The following PDSS1 variants were observed in gnomAD, a reference collection of about 807,000 sequenced individuals.
PDSS1 encodes the protein decaprenyl diphosphate synthase subunit 1.
A neutral mutation model predicts 57.5 loss-of-function variants in PDSS1; 43 were observed. The ratio of observed to expected loss-of-function variants is 0.75; its 90% confidence interval spans 0.59 to 0.96. The LOEUF is 0.96. Ranked by LOEUF, PDSS1 falls within the 50% of genes least tolerant of loss-of-function variation. The probability of loss-of-function intolerance (pLI) is 0.00; values close to 1 mark genes in which losing one functional copy is unlikely to be tolerated. For missense variants in PDSS1, 438 were observed against 527.8 expected, an observed-to-expected ratio of 0.83 and a Z score of 1.67; for synonymous variants, 175 against 191.3, an observed-to-expected ratio of 0.91 and a Z score of 0.70.
intron 10 of PDSS1, among the ~76,000 whole-genome samples, chr10:26,737,390 G>T (rs181826556): frequency 2.0e-5 from 3 of 152,168 alleles, no homozygotes; most frequent in African/African-American, 7.2e-5. Flanking sequence ...ATATAGTGGG[G>T]GAAAGGGGAA....
At chr10:26,740,511 A>G (rs1836553977) in intron 10 of PDSS1, 2 of 413,928 alleles carry the variant, frequency 4.8e-6, no homozygotes, top group South Asian at 1.7e-5. Context: ...GTTCTGACAC[A>G]TATTTTGGTC....
intron 8 of PDSS1, among the ~76,000 whole-genome samples, chr10:26,729,952 G>A (rs1239368738): frequency 5.2e-5 from 6 of 116,306 alleles, no homozygotes; most frequent in South Asian, 6.0e-4. Context: ...TTGCTCTTTC[G>A]CCCAGGCCGG....
At chr10:26,701,295 G>C (rs1462349062) in intron 1 of PDSS1, among the ~76,000 whole-genome samples, 1 of 152,240 alleles carries the variant, frequency 6.6e-6, no homozygotes, top group Admixed American at 6.5e-5. Context: ...ATTTGCATAA[G>C]TAACAAGGAG....
Position 26,735,486 on chromosome 10 carries a change from C to T in PDSS1, c.933C>T (p.Asp311=). Residue 311 remains aspartate, a synonymous_variant, in exon 10 of 12, where the codon GAC becomes GAT. Coordinates refer to ENST00000376215, the MANE Select transcript of PDSS1 (RefSeq NM_014317.5). The part of the protein sequence containing the change: ...IAFQLIDDVL[D]FTSCSDQMGK... ...GCCAGCTAATAGATGATGTATTGGA[C>T]TTCACCTCGTGTTCTGACCAGATGG... The T allele has an allele frequency of 1.9e-6, 3 of 1,612,680 alleles. No individual in the cohort carries two copies. The highest frequency in any genetic ancestry group is 2.5e-6 in the Non-Finnish European group (3 of 1,178,672).
Position 26,744,177 on chromosome 10 carries a change from C to G in PDSS1, c.1107+1600C>G, listed in dbSNP as rs1320230042. Among the ~76,000 whole-genome samples the G allele has an allele frequency of 2.6e-5, 4 of 152,158 alleles. No individual in the cohort carries two copies. The South Asian group carries it at 8.3e-4, about 32-fold the overall frequency. ...GGAAGAAAATAAACAAAAAAGTGGT[C>G]ACTTATGCTAGAAAATGGTGTCAAA... On this transcript the variant is annotated intron_variant, in intron 11 of 11. Coordinates refer to ENST00000376215, the MANE Select transcript of PDSS1 (RefSeq NM_014317.5).
intron 4 of PDSS1, among the ~76,000 whole-genome samples, chr10:26,705,843 A>G (rs1564417287): frequency 1.3e-5 from 2 of 152,250 alleles, no homozygotes; most frequent in Non-Finnish European, 2.9e-5. Flanking sequence ...AGAAGAATAC[A>G]TATGACCCAG....
chr10:26,721,819 C>G (rs1196057254), intron 6 of PDSS1, among the ~76,000 whole-genome samples: 9 of 152,326 alleles, frequency 5.9e-5, no homozygotes, highest in Admixed American at 5.9e-4. Context: ...CTGGGGACCT[C>G]TTTCTGAGGG....
intron 5 of PDSS1, chr10:26,717,759 T>G (rs974090351): frequency 1.6e-4 from 24 of 152,098 alleles, no homozygotes; most frequent in African/African-American, 5.8e-4. Flanking sequence ...CCTTACCTGT[T>G]GTTTTAAGGT....
chr10:26,737,017 A>G (rs904567649), intron 10 of PDSS1, among the ~76,000 whole-genome samples: 7 of 152,216 alleles, frequency 4.6e-5, no homozygotes, highest in Admixed American at 6.5e-5. Flanking sequence ...CTTCTCAGAT[A>G]CTTGTTAGTA....
intron 5 of PDSS1, among the ~76,000 whole-genome samples, chr10:26,713,463 C>T (rs115461248): frequency 2.3e-3 from 347 of 152,140 alleles, no homozygotes; most frequent in African/African-American, 7.9e-3. Context: ...ATTAAATGTT[C>T]CCTACTAGAT....
chr10:26,706,532 C>T (rs748194336), intron 4 of PDSS1, among the ~76,000 whole-genome samples: 3 of 152,224 alleles, frequency 2.0e-5, no homozygotes, highest in African/African-American at 4.8e-5. Context: ...CTCCCCCAGA[C>T]ATGGCCTCTC....
chr10:26,709,824 C>G, intron 5 of PDSS1, 56 bp downstream of exon 5: 4 of 1,560,562 alleles, frequency 2.6e-6, no homozygotes, highest in Non-Finnish European at 3.5e-6. Context: ...TCTTTCTTCC[C>G]GGGGTTACTT....
chr10:26,697,956 G>A, intron 1 of PDSS1, 116 bp downstream of exon 1: 1 of 989,862 alleles, frequency 1.0e-6, no homozygotes, highest in Non-Finnish European at 1.3e-6. Context: ...GGCGCGCGGG[G>A]TAGCTCCGGG....
chr10:26,735,181 G>C, intron 8 of PDSS1, 59 bp from the exon 9 acceptor site: 4 of 1,172,962 alleles, frequency 3.4e-6, no homozygotes, highest in Non-Finnish European at 5.1e-6. Flanking sequence ...TCAGCCAGGG[G>C]TCAGCTGCTT....
intron 8 of PDSS1, among the ~76,000 whole-genome samples, chr10:26,728,209 T>C (rs1836030420): frequency 6.6e-6 from 1 of 151,818 alleles, no homozygotes; most frequent in African/African-American, 2.4e-5. Context: ...TATAAAAAAT[T>C]AGCTGGGCAT....
At chr10:26,706,491 C>T (rs1835221273) in intron 4 of PDSS1, among the ~76,000 whole-genome samples, 1 of 152,172 alleles carries the variant, frequency 6.6e-6, no homozygotes. Context: ...TAGGGGCAGT[C>T]CCTTAGCCAA....
chr10:26,745,586 C>T (rs75655719), intron 11 of PDSS1, among the ~76,000 whole-genome samples: 1 of 152,278 alleles, frequency 6.6e-6, no homozygotes, highest in South Asian at 2.1e-4. Flanking sequence ...GTGGCTCACA[C>T]CTGTAATCCC....
chr10:26,742,102 C>T (rs1836636432), intron 10 of PDSS1, among the ~76,000 whole-genome samples: 1 of 152,210 alleles, frequency 6.6e-6, no homozygotes, highest in Non-Finnish European at 1.5e-5. Context: ...GTCTCAAACT[C>T]CTGACCTCAG....
intron 6 of PDSS1, among the ~76,000 whole-genome samples, chr10:26,721,397 C>T (rs889765294): frequency 3.4e-5 from 5 of 145,368 alleles, no homozygotes; most frequent in African/African-American, 1.3e-4. Context: ...ATTTAATTCT[C>T]CTTATTAAAA....
Sources: allele counts gnomAD v4.1 joint callset (sites outside exome capture counted in the v4.1 genomes callset), GRCh38; gene constraint gnomAD v4.1.1; transcripts MANE v1.5; gene names NCBI Gene and HGNC (gene_info 2026-07-23, HGNC 2026-07-21).